Variants in GLCCI1 observed in about 807,000 individuals in gnomAD.
The protein encoded by GLCCI1 is glucocorticoid induced 1.
In GLCCI1, 24 loss-of-function variants were observed where a neutral mutation model predicts 52.2. The observed-to-expected ratio is 0.46, with a 90% CI of 0.33 to 0.65. The LOEUF (loss-of-function observed/expected upper bound fraction) is 0.65. Ranked by LOEUF, GLCCI1 falls within the 30% of genes least tolerant of loss-of-function variation. GLCCI1 has a pLI of 0.02. For missense variants in GLCCI1, 704 were observed against 701.5 expected (o/e 1.00, Z -0.04); for synonymous variants, 310 against 276.5 (o/e 1.12, Z -1.20).
intron 1 of GLCCI1, among the ~76,000 whole-genome samples, chr7:7,994,868 A>T (rs1248268816): frequency 1.3e-5 from 2 of 152,172 alleles, no homozygotes; most frequent in African/African-American, 4.8e-5. Flanking sequence ...ATACATAGAG[A>T]TACACACAAA....
intron 3 of GLCCI1, among the ~76,000 whole-genome samples, chr7:8,025,036 A>T (rs776309283): frequency 2.4e-4 from 36 of 152,196 alleles, no homozygotes; most frequent in Admixed American, 7.2e-4. Context: ...CTGTAGTCCA[A>T]TTTGGGGCCA....
chr7:7,988,945 T>G (rs1267253097), intron 1 of GLCCI1, among the ~76,000 whole-genome samples: 2 of 152,152 alleles, frequency 1.3e-5, no homozygotes, highest in East Asian at 3.8e-4. Context: ...TTGTTCAACT[T>G]AAAAATTCTT....
chr7:8,005,345 A>G (rs1225648200), intron 2 of GLCCI1, among the ~76,000 whole-genome samples: 1 of 152,198 alleles, frequency 6.6e-6, no homozygotes, highest in Non-Finnish European at 1.5e-5. Flanking sequence ...TAGTTTTTGG[A>G]AGGGTGCACA....
chr7:8,080,347 T>C (rs1244033976), intron 6 of GLCCI1, among the ~76,000 whole-genome samples: 1 of 151,628 alleles, frequency 6.6e-6, no homozygotes, highest in East Asian at 1.9e-4. Context: ...AACAGTGTAC[T>C]CACTTTCCTA....
chr7:8,034,594 G>A (rs1392784658), intron 3 of GLCCI1, among the ~76,000 whole-genome samples: 2 of 152,198 alleles, frequency 1.3e-5, no homozygotes, highest in African/African-American at 4.8e-5. Flanking sequence ...TGGCTGACAA[G>A]AGACATCAGA....
rs10486207 is a variant in GLCCI1 at position 8,071,150 on chromosome 7, A to G, written c.1177+19A>G. Reference sequence around the variant, plus strand: ...GATAAAGGTAAGAATGGAATTGTCCACTTAGAGGGTTTGTTATGGGCCTTG... The same window carrying G: ...GATAAAGGTAAGAATGGAATTGTCCGCTTAGAGGGTTTGTTATGGGCCTTG... On this transcript the variant is annotated intron_variant, in intron 6 of 7. Transcript: ENST00000223145. 0.24 allele frequency: 378,164 copies of G among 1,600,126 alleles called. 47,143 individuals carry two copies. Among genetic ancestry groups the G allele is most frequent in the Middle Eastern group, 0.3 (1,800 of 6,030 alleles).
chr7:8,060,098 T>C lies in GLCCI1; in HGVS notation c.816T>C (p.Ala272=), dbSNP rs1356412934. Residue 272 remains alanine (A), a splice_region_variant and synonymous_variant, in exon 5 of 8, where the codon GCT becomes GCC. Coordinates refer to ENST00000223145, the MANE Select transcript of GLCCI1 (RefSeq NM_138426.4). ...GNHITISHTQ[A]TGSRSVPMPL... is the part of the protein sequence containing the mutation. ...ACCACCTTTATCTTATCTCATAGGC[T>C]ACTGGATCAAGGTCAGTTCCTATGC... 2 of 1,610,816 alleles carry C rather than the reference T, an allele frequency of 1.2e-6. No individual in the cohort carries two copies. Among genetic ancestry groups the C allele is most frequent in the Admixed American group, 3.4e-5 (2 of 59,392 alleles).
At chr7:8,003,572 A>G (rs1310784645) in intron 1 of GLCCI1, among the ~76,000 whole-genome samples, 1 of 152,194 alleles carries the variant, frequency 6.6e-6, no homozygotes, top group Non-Finnish European at 1.5e-5. Context: ...TGAAATGGAT[A>G]CAGGGATAGC....
chr7:7,974,380 CTG>C (rs1780420987), intron 1 of GLCCI1, among the ~76,000 whole-genome samples: 1 of 152,082 alleles, frequency 6.6e-6, no homozygotes, highest in African/African-American at 2.4e-5. Flanking sequence ...CAGTTTTTAA[CTG>C]TATGTAAAGT....
rs560892847 is a variant in GLCCI1, at chr7:8,066,587, A to T, written c.967-4334A>T. On this transcript the variant is annotated intron_variant, in intron 5 of 7. Coordinates refer to ENST00000223145, the MANE Select transcript of GLCCI1 (RefSeq NM_138426.4). ...ATAGAATCTAGTATGTTGTATCTTT[A>T]GTCCCATAGTTTCAAAGAATTTCTT... Among the ~76,000 whole-genome samples the T allele has an allele frequency of 6.6e-5, 10 of 151,020 alleles. No individual in the cohort carries two copies. The Admixed American group carries it at 6.6e-4, about 10-fold the overall frequency.
In GLCCI1 at chr7:8,004,007, C is replaced by T; in HGVS notation, c.557C>T (p.Pro186Leu). 2 of 1,613,734 alleles carry T rather than the reference C, an allele frequency of 1.2e-6. No individual in the cohort carries two copies. Among genetic ancestry groups the T allele is most frequent in the Non-Finnish European group, 1.7e-6 (2 of 1,179,804 alleles). Residue 186 changes from proline (P) to leucine (L), a missense_variant, in exon 2 of 8, where the codon CCA becomes CTA. Physicochemically the swap from Pro to Leu is moderately conservative, Grantham distance 98 (BLOSUM62 -3). Transcript: ENST00000223145. ...ITGPYLTGQW[P>L]RDPHVHYPSC... ...GGACCTTACCTCACAGGACAGTGGC[C>T]ACGGGATCCTCATGTTCACTACCCT...
chr7:8,003,860 A>G (rs1197078392), intron 1 of GLCCI1, 48 bp from the exon 2 acceptor site: 1 of 1,543,508 alleles, frequency 6.5e-7, no homozygotes, highest in East Asian at 2.3e-5. Flanking sequence ...ATAACTTTAA[A>G]TTTTATTTTA....
chr7:7,994,852 A>G (rs1166853693), intron 1 of GLCCI1, among the ~76,000 whole-genome samples: 2 of 152,216 alleles, frequency 1.3e-5, no homozygotes, highest in African/African-American at 2.4e-5. Flanking sequence ...CATATATTAC[A>G]TAGATATACA....
chr7:8,020,670 T>C (rs1304549533), intron 2 of GLCCI1, among the ~76,000 whole-genome samples: 1 of 152,144 alleles, frequency 6.6e-6, no homozygotes, highest in Non-Finnish European at 1.5e-5. Context: ...TGATTTTGAA[T>C]AATTGTGGAA....
chr7:8,079,238 A>G (rs1782940083), intron 6 of GLCCI1, among the ~76,000 whole-genome samples: 1 of 151,654 alleles, frequency 6.6e-6, no homozygotes, highest in African/African-American at 2.4e-5. Flanking sequence ...CCACAATTGT[A>G]GGATACCTTA....
At chr7:8,016,117 A>G (rs1298357552) in intron 2 of GLCCI1, among the ~76,000 whole-genome samples, 3 of 152,232 alleles carry the variant, frequency 2.0e-5, no homozygotes, top group African/African-American at 7.2e-5. Flanking sequence ...AATTCCTGTG[A>G]TAATATTAAA....
intron 3 of GLCCI1, among the ~76,000 whole-genome samples, chr7:8,026,523 T>G (rs1048032363): frequency 6.6e-6 from 1 of 152,214 alleles, no homozygotes; most frequent in African/African-American, 2.4e-5. Flanking sequence ...AAAGAGGCAT[T>G]GAGTAGGCCA....
chr7:8,063,252 C>G (rs1396453519), intron 5 of GLCCI1, among the ~76,000 whole-genome samples: 1 of 152,154 alleles, frequency 6.6e-6, no homozygotes, highest in African/African-American at 2.4e-5. Flanking sequence ...ATTCTCCTGC[C>G]TCAGCCTCCC....
Position 8,086,117 on chromosome 7 carries a change from A to T in GLCCI1, c.1299-76A>T, listed in dbSNP as rs1312760603. 14 of 1,247,592 alleles carry T rather than the reference A, an allele frequency of 1.1e-5. No individual in the cohort carries two copies. The highest frequency in any genetic ancestry group is 1.5e-5 in the Non-Finnish European group (13 of 891,808). The allele number at this position is 1,247,592 out of a possible 1,614,324, so 77.3% of individuals were successfully genotyped here. Reference sequence around the variant, plus strand: ...ATTTACATTTTAGCTGTTTTAGAGAACTCCAGTTAATTCAGAAAATGCTTA... The same window carrying T: ...ATTTACATTTTAGCTGTTTTAGAGATCTCCAGTTAATTCAGAAAATGCTTA... On this transcript the variant is annotated intron_variant, in intron 7 of 7. Coordinates refer to ENST00000223145, the MANE Select transcript of GLCCI1 (RefSeq NM_138426.4). This position sits in a 1 kb window ranked among gnomAD's most constrained non-coding sequence, Gnocchi z 4.4.
Sources: gnomAD v4.1 joint callset for allele counts (sites outside exome capture counted in the v4.1 genomes callset) on GRCh38, gnomAD v4.1.1 for gene constraint, Gnocchi (gnomAD v3.1) non-coding constraint, MANE v1.5 for transcripts, NCBI Gene and HGNC (gene_info 2026-07-23, HGNC 2026-07-21) for gene names.